The following KLHL15 variants were observed in gnomAD, a reference collection of about 807,000 sequenced individuals.
The protein encoded by KLHL15 is kelch-like protein 15.
KLHL15 carries 1 observed loss-of-function variant against 29.3 expected under a neutral mutation model. The ratio of observed to expected loss-of-function variants is 0.03; its 90% confidence interval spans 0.01 to 0.16. KLHL15 has a LOEUF of 0.16. Ranked by LOEUF, KLHL15 falls within the 10% of genes least tolerant of loss-of-function variation. The pLI, the probability that KLHL15 is intolerant of heterozygous loss-of-function variation, is 1.00. For synonymous variants in KLHL15, 212 were observed against 184.5 expected (o/e 1.15, Z -1.21); for missense variants, 215 against 478.5 (o/e 0.45, Z 5.14).
At chrX:24,013,498 G>A (rs753615654) in intron 2 of KLHL15, among the ~76,000 whole-genome samples, 3 of 110,192 alleles carry the variant, frequency 2.7e-5, no homozygotes, top group East Asian at 5.7e-4. Flanking sequence ...TCCTGACCTC[G>A]AGAGATCTGC....
At position 24,002,550 on chromosome X, in the gene KLHL15, G is replaced by C. The variant is rs543332941; in HGVS notation, c.705+3439C>G. ...CCAAGATTTGTGCTTTCATATCAAA[G>C]TTTTCCCACACTTTATATGTATTTT... On this transcript the variant is annotated intron_variant, in intron 3 of 3. Coordinates refer to ENST00000328046, the MANE Select transcript of KLHL15 (RefSeq NM_030624.3). Among the ~76,000 whole-genome samples the C allele has an allele frequency of 1.1e-4, 12 of 105,488 alleles. No homozygotes were observed. In the South Asian group the frequency reaches 5.0e-3, roughly 44 times the overall value. The allele number at this position is 105,488 out of a possible 115,157, so 91.6% of individuals were successfully genotyped here. A position where few individuals can be genotyped will look rare whatever the true frequency, so the allele number is the denominator to read the frequency against.
rs778511821 is a variant in KLHL15, at chrX:24,009,731, C to T, written c.-7-3031G>A. On this transcript the variant is annotated intron_variant, in intron 2 of 3. Coordinates refer to ENST00000328046, the MANE Select transcript of KLHL15 (RefSeq NM_030624.3). ...AAAGCCGGGCTCAGTGGCTCACGCC[C>T]GTAATTCCAACACTTTGGGAGGCTG... Among the ~76,000 whole-genome samples the T allele has an allele frequency of 9.9e-5, 10 of 101,148 alleles. No individual in the cohort carries two copies. In the East Asian group the frequency reaches 2.9e-3, roughly 29 times the overall value. The allele number at this position is 101,148 out of a possible 115,157, so 87.8% of individuals were successfully genotyped here. A position where few individuals can be genotyped will look rare whatever the true frequency, so the allele number is the denominator to read the frequency against.
At chrX:24,018,491 T>C (rs751762825) in intron 2 of KLHL15, among the ~76,000 whole-genome samples, 5 of 110,626 alleles carry the variant, frequency 4.5e-5, no homozygotes, top group Non-Finnish European at 7.6e-5. Flanking sequence ...GGCATACTTA[T>C]ACTACCAGGA....
At chrX:24,013,229 C>A (rs1016493378) in intron 2 of KLHL15, among the ~76,000 whole-genome samples, 1 of 110,419 alleles carries the variant, frequency 9.1e-6, no homozygotes, top group African/African-American at 3.3e-5. Flanking sequence ...CTACCTCAAT[C>A]TCCTGAGTAG....
intron 2 of KLHL15, among the ~76,000 whole-genome samples, chrX:24,016,887 A>T (rs1929698253): frequency 9.0e-6 from 1 of 110,814 alleles, no homozygotes. Context: ...CCACCTTCTG[A>T]GTATAGTTTC....
intron 3 of KLHL15, among the ~76,000 whole-genome samples, chrX:23,999,818 T>C (rs1216395786): frequency 8.9e-6 from 1 of 111,775 alleles, no homozygotes; most frequent in African/African-American, 3.3e-5. Flanking sequence ...CATCTATACA[T>C]AAAAGGCAGA....
In KLHL15 at chrX:23,989,072, T is replaced by A. The variant is rs753754475; in HGVS notation, c.706-42A>T. On this transcript the variant is annotated intron_variant, in intron 3 of 3. Transcript: ENST00000328046. Reference sequence around the variant, plus strand: ...AAGAATTTAACCAAAGGAAAAAGCATCAGCTGCAAACAAATTATCAAAGCT... The same window carrying A: ...AAGAATTTAACCAAAGGAAAAAGCAACAGCTGCAAACAAATTATCAAAGCT... 6.5e-6 allele frequency: 7 copies of A among 1,083,585 alleles called. No homozygotes were observed. In the Admixed American group the frequency reaches 1.6e-4, roughly 25 times the overall value. 89.3% of individuals were successfully genotyped at this position (1,083,585 alleles called of 1,213,427 possible). A position where few individuals can be genotyped will look rare whatever the true frequency, so the allele number is the denominator to read the frequency against.
At chrX:23,997,888 G>A (rs1183563834) in intron 3 of KLHL15, among the ~76,000 whole-genome samples, 1 of 108,992 alleles carries the variant, frequency 9.2e-6, no homozygotes, top group African/African-American at 3.3e-5. Flanking sequence ...GCCAGGAGTT[G>A]AGACCAGCCA....
At position 23,989,932 on chromosome X, in the gene KLHL15, G is replaced by A. The variant is rs1434274238; in HGVS notation, c.706-902C>T. Reference sequence around the variant, plus strand: ...AGCCTCCTGAGCTGCTGGGATGACAGGTGTGAGTCACTGCGCCTGGCAAAC... The same window carrying A: ...AGCCTCCTGAGCTGCTGGGATGACAAGTGTGAGTCACTGCGCCTGGCAAAC... On this transcript the variant is annotated intron_variant, in intron 3 of 3. Transcript: ENST00000328046. Among the ~76,000 whole-genome samples, 3 of 110,540 alleles carry A rather than the reference G, an allele frequency of 2.7e-5. No homozygotes were observed. The Admixed American group carries it at 2.9e-4, about 11-fold the overall frequency.
chrX:24,004,663 G>A (rs905419916), intron 3 of KLHL15, among the ~76,000 whole-genome samples: 2 of 105,419 alleles, frequency 1.9e-5, no homozygotes, highest in African/African-American at 7.0e-5. Flanking sequence ...AGTGGCTGAC[G>A]CCTGTAATCC....
intron 2 of KLHL15, among the ~76,000 whole-genome samples, chrX:24,015,383 G>A (rs1462397259): frequency 8.9e-6 from 1 of 112,450 alleles, no homozygotes; most frequent in Non-Finnish European, 1.9e-5. Context: ...AAGTTTACCT[G>A]ATCTAAACAC....
intron 3 of KLHL15, among the ~76,000 whole-genome samples, chrX:24,004,777 G>A (rs1384564344): frequency 2.2e-5 from 2 of 92,557 alleles, no homozygotes; most frequent in South Asian, 6.1e-4. Context: ...GCGACAGAGC[G>A]AGACTCTGTC....
In KLHL15 at chrX:24,005,846, T is replaced by C. The variant is rs1017668936; in HGVS notation, c.705+143A>G. 1.5e-4 allele frequency: 68 copies of C among 466,040 alleles called. 1 individual carries two copies. Among genetic ancestry groups the C allele is most frequent in the South Asian group, 4.6e-5 (1 of 21,835 alleles). The allele number at this position is 466,040 out of a possible 1,213,427, so 38.4% of individuals were successfully genotyped here. On this transcript the variant is annotated intron_variant, in intron 3 of 3. Coordinates refer to ENST00000328046, the MANE Select transcript of KLHL15 (RefSeq NM_030624.3). ...GCTTCTTATACATAAAGTACTCTTA[T>C]GTTATTCATTCTTGAATAACATAAG... is the stretch of plus-strand genomic sequence containing the variant.
chrX:24,003,328 G>A (rs1184466939), intron 3 of KLHL15, among the ~76,000 whole-genome samples: 4 of 108,545 alleles, frequency 3.7e-5, no homozygotes, highest in South Asian at 4.0e-4. Context: ...GGCGGATCAC[G>A]AGGTCAGGAG....
intron 3 of KLHL15, among the ~76,000 whole-genome samples, chrX:23,991,128 A>ATGG (rs1929075108): frequency 1.8e-5 from 2 of 108,470 alleles, no homozygotes; most frequent in Non-Finnish European, 3.8e-5. Context: ...TGAGGCGGGC[A>ATGG]GATTACCTGA....
intron 2 of KLHL15, among the ~76,000 whole-genome samples, chrX:24,016,505 A>C (rs1390661277): frequency 5.5e-5 from 6 of 108,890 alleles, no homozygotes; most frequent in Non-Finnish European, 1.1e-4. Flanking sequence ...CTCTACTACA[A>C]ATAAAAAAAA....
rs1389934046 is a variant in KLHL15 at position 23,984,277 on chromosome X, T to C, written c.*3644A>G. ...TTTATCTATTCCAGTCTATGCCTAC[T>C]GAATATTTGACTTTATAAACTCTGG... On this transcript the variant is annotated 3_prime_UTR_variant, in exon 4 of 4. Coordinates refer to ENST00000328046, the MANE Select transcript of KLHL15 (RefSeq NM_030624.3). 2.7e-5 allele frequency: 3 copies of C among 112,197 alleles called. No homozygotes were observed. The highest frequency in any genetic ancestry group is 9.7e-5 in the African/African-American group (3 of 30,933). 9.2% of individuals were successfully genotyped at this position (112,197 alleles called of 1,213,427 possible).
intron 2 of KLHL15, among the ~76,000 whole-genome samples, chrX:24,015,258 TTA>T (rs756471294): frequency 2.7e-5 from 3 of 112,115 alleles, no homozygotes; most frequent in Non-Finnish European, 3.8e-5. Flanking sequence ...TAAAATATTT[TTA>T]GTCCTAAAAT....
At chrX:23,995,770 G>A (rs961040533) in intron 3 of KLHL15, among the ~76,000 whole-genome samples, 10 of 109,545 alleles carry the variant, frequency 9.1e-5, no homozygotes, top group African/African-American at 3.0e-4. Flanking sequence ...AAAAAAAATT[G>A]AGACGGATTT....
Sources: gnomAD v4.1 joint callset for allele counts (sites outside exome capture counted in the v4.1 genomes callset) on GRCh38, gnomAD v4.1.1 for gene constraint, MANE v1.5 for transcripts, NCBI Gene and HGNC (gene_info 2026-07-23, HGNC 2026-07-21) for gene names.